DTD1: variants seen among roughly 807,000 people sequenced by gnomAD.
DTD1 encodes the protein D-aminoacyl-tRNA deacylase 1.
Under a neutral mutation model 25.6 loss-of-function variants are expected in DTD1, and 13 were observed. That is an observed-to-expected ratio of 0.51 (90% CI 0.33 to 0.81). The LOEUF (loss-of-function observed/expected upper bound fraction) is 0.81. DTD1 is among the 30% of genes least tolerant of loss of function. DTD1 has a pLI of 0.02. For synonymous variants in DTD1, 110 were observed against 103.6 expected (o/e 1.06, Z -0.37); for missense variants, 193 against 266.4 (o/e 0.72, Z 1.92).
At chr20:18,607,232 T>G (rs2060663604) in intron 3 of DTD1, among the ~76,000 whole-genome samples, 1 of 151,862 alleles carries the variant, frequency 6.6e-6, no homozygotes, top group South Asian at 2.1e-4. Context: ...GGTGCAATCT[T>G]GGCTCTGCAA....
intron 4 of DTD1, among the ~76,000 whole-genome samples, chr20:18,636,478 G>A (rs1213744960): frequency 6.6e-6 from 1 of 152,218 alleles, no homozygotes; most frequent in Non-Finnish European, 1.5e-5. Flanking sequence ...AAAAAATGCA[G>A]CACTTGCTAT....
chr20:18,652,392 C>T (rs990359113), intron 4 of DTD1, among the ~76,000 whole-genome samples: 32 of 152,250 alleles, frequency 2.1e-4, no homozygotes, highest in Non-Finnish European at 4.0e-4. Flanking sequence ...GATTAAAAGT[C>T]AGTCACAATC....
intron 4 of DTD1, among the ~76,000 whole-genome samples, chr20:18,662,870 G>T (rs2060916879): frequency 6.6e-6 from 1 of 152,122 alleles, no homozygotes; most frequent in South Asian, 2.1e-4. Flanking sequence ...TTGTGGCTCA[G>T]GAGGTGAAAT....
At chr20:18,704,892 C>G (rs1456598504) in intron 4 of DTD1, among the ~76,000 whole-genome samples, 1 of 152,144 alleles carries the variant, frequency 6.6e-6, no homozygotes, top group Non-Finnish European at 1.5e-5. Flanking sequence ...TCCTATTTTG[C>G]CTGCACACTC....
intron 4 of DTD1, among the ~76,000 whole-genome samples, chr20:18,708,216 A>AT (rs1568676566): frequency 0.023 from 239 of 10,450 alleles, 1 homozygote; most frequent in Non-Finnish European, 0.059. Flanking sequence ...TTTTATATAT[A>AT]TAATATATAT....
intron 4 of DTD1, chr20:18,692,084 G>A (rs1403231845): frequency 2.0e-5 from 3 of 152,136 alleles, no homozygotes; most frequent in Non-Finnish European, 2.9e-5. Flanking sequence ...ATGTATCTAA[G>A]AACATACTTT....
chr20:18,686,646 CTGTGTGTGTGTGTG>C (rs56350174), intron 4 of DTD1, among the ~76,000 whole-genome samples: 1 of 148,938 alleles, frequency 6.7e-6, no homozygotes, highest in Non-Finnish European at 1.5e-5. Flanking sequence ...TATTTATTAG[CTGTGTGTGTGTGTG>C]TGTGTGTGTG....
rs1325038498 is a variant in DTD1 at position 18,648,975 on chromosome 20, A to G, written c.477+20742A>G. Among the ~76,000 whole-genome samples, 11 of 140,568 alleles carry G rather than the reference A, an allele frequency of 7.8e-5. No individual in the cohort carries two copies. In the East Asian group the frequency reaches 1.3e-3, roughly 16 times the overall value. 92.2% of individuals were successfully genotyped at this position (140,568 alleles called of 152,430 possible). On this transcript the variant is annotated intron_variant, in intron 4 of 5. Transcript: ENST00000377452. ...CGCGCCACTGCACTCCAGCCTGGGC[A>G]ACAGAGAAAGACTCCATCTCAAAAA...
intron 4 of DTD1, chr20:18,691,933 G>A: frequency 6.6e-6 from 1 of 152,082 alleles, no homozygotes; most frequent in Non-Finnish European, 1.5e-5. Context: ...CACCTGGTCA[G>A]CATAAAGCCA....
chr20:18,691,107 A>G (rs572589495), intron 4 of DTD1, among the ~76,000 whole-genome samples: 2 of 152,362 alleles, frequency 1.3e-5, no homozygotes, highest in African/African-American at 2.4e-5. Flanking sequence ...AAAATTAAAA[A>G]TGAGCAGAAG....
chr20:18,629,296 CTT>C (rs35174616), intron 4 of DTD1, among the ~76,000 whole-genome samples: 74 of 69,244 alleles, frequency 1.1e-3, no homozygotes, highest in South Asian at 2.1e-3. Context: ...TGTGCTCGGC[CTT>C]TTTTTTTTTT....
chr20:18,687,672 G>A (rs76674697), intron 4 of DTD1, among the ~76,000 whole-genome samples: 3,174 of 151,754 alleles, frequency 0.021, 57 homozygotes, highest in Non-Finnish European at 0.034. Context: ...CTCCTACCTC[G>A]GCCTCTGGAG....
At chr20:18,696,208 G>A (rs1195386471) in intron 4 of DTD1, among the ~76,000 whole-genome samples, 1 of 152,050 alleles carries the variant, frequency 6.6e-6, no homozygotes, top group Non-Finnish European at 1.5e-5. Flanking sequence ...GGGAATGTGG[G>A]CCTCATATGT....
At chr20:18,633,196 C>T (rs145048246) in intron 4 of DTD1, among the ~76,000 whole-genome samples, 13 of 152,250 alleles carry the variant, frequency 8.5e-5, no homozygotes, top group African/African-American at 2.6e-4. Context: ...ACCAGGCGTC[C>T]GTGGCCCTTT....
At chr20:18,599,206 G>A (rs561708040) in intron 3 of DTD1, among the ~76,000 whole-genome samples, 3 of 152,000 alleles carry the variant, frequency 2.0e-5, no homozygotes, top group African/African-American at 7.2e-5. Flanking sequence ...ATGGAGTTTT[G>A]CTCTGTTGCC....
chr20:18,633,065 C>A (rs116564657), intron 4 of DTD1, among the ~76,000 whole-genome samples: 3,031 of 152,314 alleles, frequency 0.02, 52 homozygotes, highest in African/African-American at 0.024. Context: ...CAGCATAAGA[C>A]AACTTAGGAA....
rs1264285780 is a variant in DTD1, at chr20:18,764,311, A to T, written c.*971A>T. On this transcript the variant is annotated 3_prime_UTR_variant, in exon 6 of 6. Transcript: ENST00000377452. ...ATGTATCCAAGTCACCACACCCAGCACTCTGGGAAGAAAGAATCACATTCT... is the reference window on the plus strand; with the variant it reads ...ATGTATCCAAGTCACCACACCCAGCTCTCTGGGAAGAAAGAATCACATTCT... 1 of 152,212 alleles carries T rather than the reference A, an allele frequency of 6.6e-6. No individual in the cohort carries two copies. Among genetic ancestry groups the T allele is most frequent in the Non-Finnish European group, 1.5e-5 (1 of 68,042 alleles). 9.4% of individuals were successfully genotyped at this position (152,212 alleles called of 1,614,324 possible). A position where few individuals can be genotyped will look rare whatever the true frequency, so the allele number is the denominator to read the frequency against.
chr20:18,737,111 C>T (rs956465995), intron 4 of DTD1, among the ~76,000 whole-genome samples: 1 of 152,222 alleles, frequency 6.6e-6, no homozygotes, highest in African/African-American at 2.4e-5. Flanking sequence ...GGGTGCCCCT[C>T]ATTCGGCCCT....
chr20:18,707,857 C>T (rs569083520), intron 4 of DTD1, among the ~76,000 whole-genome samples: 2 of 152,080 alleles, frequency 1.3e-5, no homozygotes, highest in African/African-American at 4.8e-5. Context: ...GGGACTTGTC[C>T]CTTGGCACCT....
Sources: gnomAD v4.1 joint callset for allele counts (sites outside exome capture counted in the v4.1 genomes callset) on GRCh38, gnomAD v4.1.1 for gene constraint, MANE v1.5 for transcripts, NCBI Gene and HGNC (gene_info 2026-07-23, HGNC 2026-07-21) for gene names.